TMEM260: variants seen among roughly 807,000 people sequenced by gnomAD.
TMEM260 encodes protein O-mannosyl-transferase TMEM260.
In TMEM260, 82 loss-of-function variants were observed where a neutral mutation model predicts 88.9. The ratio of observed to expected loss-of-function variants is 0.92; its 90% CI spans 0.77 to 1.11. TMEM260 has a LOEUF of 1.11. Ranked by LOEUF, TMEM260 falls within the 50% of genes least tolerant of loss-of-function variation. The pLI, the probability that TMEM260 is intolerant of heterozygous loss-of-function variation, is 0.00. For synonymous variants in TMEM260, 314 were observed against 309.3 expected (o/e 1.02, Z -0.16); for missense variants, 902 against 853.4 (o/e 1.06, Z -0.71).
chr14:56,602,420 T>G (rs915809664), intron 3 of TMEM260, among the ~76,000 whole-genome samples: 1 of 152,094 alleles, frequency 6.6e-6, no homozygotes, highest in South Asian at 2.1e-4. Flanking sequence ...GGATCCAGTT[T>G]ATTGGAAGCC....
rs756720473 is a variant in TMEM260 at position 56,585,818 on chromosome 14, C to T, written c.250C>T (p.Leu84=). 1 of 1,613,294 alleles carries T rather than the reference C, an allele frequency of 6.2e-7. No homozygotes were observed. Among genetic ancestry groups the T allele is most frequent in the Admixed American group, 1.7e-5 (1 of 59,944 alleles). Residue 84 remains leucine, a synonymous_variant, in exon 3 of 16, where the codon CTG becomes TTG. Coordinates refer to ENST00000261556, the MANE Select transcript of TMEM260 (RefSeq NM_017799.4). ...FTLVAKLAIT[L]FPFGSIAYRV... is the part of the protein sequence containing the mutation. ...GCTGGTGGCTAAACTGGCAATTACA[C>T]TGTTTCCTTTTGGTTCAATTGCCTA... is the stretch of plus-strand genomic sequence containing the variant.
upstream of TMEM260, chr14:56,579,586 T>G: frequency 3.8e-6 from 1 of 261,652 alleles, no homozygotes; most frequent in East Asian, 6.6e-5. Flanking sequence ...AAGGGGGGAA[T>G]AGCCATGGAG....
intron 14 of TMEM260, among the ~76,000 whole-genome samples, chr14:56,635,908 T>C (rs553665813): frequency 8.5e-4 from 130 of 152,318 alleles, no homozygotes; most frequent in South Asian, 1.7e-3. Context: ...AATAGCATAT[T>C]TTAAGTTGTC....
intron 3 of TMEM260, among the ~76,000 whole-genome samples, chr14:56,598,070 G>C (rs1435827060): frequency 1.3e-5 from 2 of 152,098 alleles, no homozygotes; most frequent in African/African-American, 4.8e-5. Flanking sequence ...TGCAGTGCTG[G>C]GAACAGATCT....
At chr14:56,630,476 T>G (rs1290152904) in intron 12 of TMEM260, among the ~76,000 whole-genome samples, 1 of 152,114 alleles carries the variant, frequency 6.6e-6, no homozygotes, top group Non-Finnish European at 1.5e-5. Context: ...TTGTATCTTT[T>G]TTTTTCTATG....
At chr14:56,623,664 A>C (rs987118367) in intron 11 of TMEM260, among the ~76,000 whole-genome samples, 2 of 152,212 alleles carry the variant, frequency 1.3e-5, no homozygotes, top group African/African-American at 4.8e-5. Context: ...TATTTTGAGA[A>C]CCAAATGAGG....
At chr14:56,645,358 C>G (rs1032696248) in intron 15 of TMEM260, among the ~76,000 whole-genome samples, 4 of 151,954 alleles carry the variant, frequency 2.6e-5, no homozygotes. Flanking sequence ...ATGGATGAAG[C>G]TGGAAACCAT....
chr14:56,595,662 T>A (rs944432090), intron 3 of TMEM260, among the ~76,000 whole-genome samples: 4 of 151,792 alleles, frequency 2.6e-5, no homozygotes, highest in African/African-American at 7.3e-5. Flanking sequence ...TTTATTTTTA[T>A]TTTTTAGTAG....
In TMEM260 at chr14:56,617,211, C is replaced by T. The variant is rs1887646072; in HGVS notation, c.970C>T (p.Leu324Phe). ...CAGACAGAATCCATCATTAGTATGG[C>T]TTTTTACTGGAATGTTTTGCATTTA... ...KDRQNPSLVW[L>F]FTGMFCIYSL... is the part of the protein sequence containing the mutation. The change falls in exon 9 of 16, where the codon CTT (leucine) becomes TTT (phenylalanine). Residue 324 changes from leucine (L) to phenylalanine (F), a missense_variant. Physicochemically the swap from Leu to Phe is conservative, Grantham distance 22. Transcript: ENST00000261556. 1 of 1,600,466 alleles carries T rather than the reference C, an allele frequency of 6.2e-7. No homozygotes were observed. Among genetic ancestry groups the T allele is most frequent in the Non-Finnish European group, 8.5e-7 (1 of 1,174,720 alleles).
At chr14:56,602,835 A>C (rs1437605093) in intron 3 of TMEM260, among the ~76,000 whole-genome samples, 1 of 152,162 alleles carries the variant, frequency 6.6e-6, no homozygotes, top group African/African-American at 2.4e-5. Flanking sequence ...TGATTGACTA[A>C]AGCCATAGAA....
Position 56,585,757 on chromosome 14 carries a change from G to T in TMEM260, c.193-4G>T, listed in dbSNP as rs376901455. On this transcript the variant is annotated splice_polypyrimidine_tract_variant and splice_region_variant and intron_variant, in intron 2 of 15. Coordinates refer to ENST00000261556, the MANE Select transcript of TMEM260 (RefSeq NM_017799.4). ...CCTTCTAACTGTTGCTAATTTTTCC[G>T]TAGGTTGCCCATCCTCCTGGCTATC... is the stretch of plus-strand genomic sequence containing the variant. 3 of 1,609,636 alleles carry T rather than the reference G, an allele frequency of 1.9e-6. No homozygotes were observed. Among genetic ancestry groups the T allele is most frequent in the Non-Finnish European group, 2.5e-6 (3 of 1,178,364 alleles).
At chr14:56,589,073 A>G (rs924030189) in intron 3 of TMEM260, among the ~76,000 whole-genome samples, 4 of 152,130 alleles carry the variant, frequency 2.6e-5, no homozygotes, top group Admixed American at 2.6e-4. Context: ...ATGTCAAACT[A>G]GGTCTTATTT....
intron 10 of TMEM260, among the ~76,000 whole-genome samples, 175 bp downstream of exon 10, chr14:56,618,938 C>T (rs1398236618): frequency 1.3e-5 from 2 of 152,122 alleles, no homozygotes; most frequent in Non-Finnish European, 2.9e-5. Context: ...AAAGTTAAAG[C>T]ATGGGCGATG....
chr14:56,580,715 A>G (rs1885072388), intron 1 of TMEM260, among the ~76,000 whole-genome samples: 1 of 152,360 alleles, frequency 6.6e-6, no homozygotes, highest in South Asian at 2.1e-4. Flanking sequence ...GGCTGTTTCT[A>G]TGAAAAAGAA....
At chr14:56,593,529 CAA>C (rs1012956659) in intron 3 of TMEM260, among the ~76,000 whole-genome samples, 1 of 151,694 alleles carries the variant, frequency 6.6e-6, no homozygotes, top group Non-Finnish European at 1.5e-5. Context: ...TTATATAAAA[CAA>C]AATGTACTTA....
chr14:56,590,697 C>CT (rs1885799528), intron 3 of TMEM260, among the ~76,000 whole-genome samples: 1 of 152,244 alleles, frequency 6.6e-6, no homozygotes, highest in South Asian at 2.1e-4. Context: ...TATATAAATG[C>CT]TATCATAGCT....
At position 56,633,073 on chromosome 14, in the gene TMEM260, G is replaced by C; in HGVS notation, c.1626G>C (p.Gly542=). The C allele has an allele frequency of 6.2e-7, 1 of 1,613,932 alleles. No individual in the cohort carries two copies. Among genetic ancestry groups the C allele is most frequent in the Non-Finnish European group, 8.5e-7 (1 of 1,179,910 alleles). The part of the protein sequence containing the change: ...WKKNYSLWPW[G]SCDKLVPLEI... ...AGAACTATTCACTTTGGCCATGGGG[G>C]TCTTGTGACAAATTAGTTCCTTTGG... is the stretch of plus-strand genomic sequence containing the variant. Residue 542 remains glycine (G), a synonymous_variant, in exon 13 of 16, where the codon GGG becomes GGC. Coordinates refer to ENST00000261556, the MANE Select transcript of TMEM260 (RefSeq NM_017799.4).
At chr14:56,653,748 A>G (rs868444976), downstream of TMEM260, among the ~76,000 whole-genome samples, 2 of 144,614 alleles carry the variant, frequency 1.4e-5, no homozygotes, top group Non-Finnish European at 3.1e-5. Context: ...AAACAAAAAA[A>G]AAAAAAACAG....
chr14:56,616,558 A>G (rs1170553646), intron 8 of TMEM260, among the ~76,000 whole-genome samples: 1 of 152,062 alleles, frequency 6.6e-6, no homozygotes, highest in Non-Finnish European at 1.5e-5. Context: ...AAATGTCTAT[A>G]TAATAGAACA....
Sources: gnomAD v4.1 joint callset for allele counts (sites outside exome capture counted in the v4.1 genomes callset) on GRCh38, gnomAD v4.1.1 for gene constraint, MANE v1.5 for transcripts, NCBI Gene and HGNC (gene_info 2026-07-23, HGNC 2026-07-21) for gene names.